The following MYL6 variants were observed in gnomAD, a reference collection of about 807,000 sequenced individuals.
MYL6 encodes the protein myosin light polypeptide 6.
Under a neutral mutation model 20.3 loss-of-function variants are expected in MYL6, and 20 were observed. That is an observed-to-expected ratio of 0.98 (90% CI 0.69 to 1.43). MYL6 has a LOEUF of 1.43. Among genes scored for constraint, MYL6 ranks in the 40% most tolerant of loss-of-function variants. The pLI, the probability that MYL6 is intolerant of heterozygous loss-of-function variation, is 0.00. For missense variants in MYL6, 164 were observed against 191.0 expected (o/e 0.86, Z 0.83); for synonymous variants, 77 against 72.4 (o/e 1.06, Z -0.32).
rs1012385956 is a variant in MYL6, at chr12:56,158,788, T to C, written c.31+77T>C. ...TCCCCCCAGCACCTATCCTCTAATC[T>C]TAATCTGTCATCTCTTTAGCACCCC... On this transcript the variant is annotated intron_variant, in intron 2 of 6. Transcript: ENST00000550697. The C allele has an allele frequency of 9.4e-6, 15 of 1,598,748 alleles. No individual in the cohort carries two copies. The Admixed American group carries it at 1.7e-4, about 18-fold the overall frequency.
At position 56,160,024 on chromosome 12, in the gene MYL6, G is replaced by A. The variant is rs770906464; in HGVS notation, c.225G>A (p.Gln75=). The change falls in exon 4 of 7, where the codon CAG becomes CAA. Residue 75 remains glutamine (Q), a synonymous_variant. Coordinates refer to ENST00000550697, the MANE Select transcript of MYL6 (RefSeq NM_021019.5). Reference sequence around the variant, plus strand: ...TTGAGCACTTTCTGCCCATGCTGCAGACAGTGGCCAAGAACAAGGACCAGG... The same window carrying A: ...TTGAGCACTTTCTGCCCATGCTGCAAACAGTGGCCAAGAACAAGGACCAGG... ...LDFEHFLPML[Q]TVAKNKDQGT... is the part of the protein sequence containing the mutation. The A allele has an allele frequency of 1.1e-5, 18 of 1,614,048 alleles. No individual in the cohort carries two copies. The South Asian group carries it at 1.8e-4, about 16-fold the overall frequency.
At position 56,160,133 on chromosome 12, in the gene MYL6, GTTC is replaced by G; in HGVS notation, c.337_339del (p.Leu113del). ...CGTCATGGGTGCTGAAATCCGGCAT[GTTC>G]TTGTCACACTGGGTAAGGTTCTGTG... On this transcript the variant is annotated inframe_deletion, in exon 4 of 7. Coordinates refer to ENST00000550697, the MANE Select transcript of MYL6 (RefSeq NM_021019.5). The G allele has an allele frequency of 6.2e-7, 1 of 1,614,104 alleles. No individual in the cohort carries two copies.
rs780885611 is a variant in MYL6 at position 56,161,378 on chromosome 12, T to C, written c.*17-9T>C. ...GTTCCCTGGCTCATCCCACCTTTCC[T>C]TTCCACAGAGCTCGTCCGCATGGTG... On this transcript the variant is annotated splice_polypyrimidine_tract_variant and intron_variant, in intron 6 of 6. Transcript: ENST00000550697. The C allele has an allele frequency of 8.7e-6, 14 of 1,614,128 alleles. No individual in the cohort carries two copies. The highest frequency in any genetic ancestry group is 3.3e-4 in the Middle Eastern group (2 of 6,060).
Position 56,161,396 on chromosome 12 carries a change from G to C in MYL6, c.*26G>C. On this transcript the variant is annotated 3_prime_UTR_variant, in exon 7 of 7. Coordinates refer to ENST00000550697, the MANE Select transcript of MYL6 (RefSeq NM_021019.5). ...CCTTTCCTTTCCACAGAGCTCGTCC[G>C]CATGGTGCTGAATGGCTGAGGACCT... The C allele has an allele frequency of 6.2e-7, 1 of 1,614,120 alleles. No homozygotes were observed. The highest frequency in any genetic ancestry group is 8.5e-7 in the Non-Finnish European group (1 of 1,180,010).
intron 3 of MYL6, 46 bp downstream of exon 3, chr12:56,159,776 A>C: frequency 6.3e-7 from 1 of 1,589,704 alleles, no homozygotes; most frequent in Non-Finnish European, 8.6e-7. Flanking sequence ...ATGGGCCCAC[A>C]GTTCTTCAGC....
intron 2 of MYL6, chr12:56,159,373 T>C (rs1592260231): frequency 1.8e-6 from 1 of 565,940 alleles, no homozygotes; most frequent in Non-Finnish European, 3.0e-6. Context: ...TGTAAATGGA[T>C]GTTACCAGGC....
chr12:56,160,680 C>A lies in MYL6; in HGVS notation c.*16+10C>A. The A allele has an allele frequency of 6.2e-7, 1 of 1,613,804 alleles. No individual in the cohort carries two copies. Among genetic ancestry groups the A allele is most frequent in the Non-Finnish European group, 8.5e-7 (1 of 1,179,750 alleles). On this transcript the variant is annotated intron_variant, in intron 6 of 6. Coordinates refer to ENST00000550697, the MANE Select transcript of MYL6 (RefSeq NM_021019.5). ...CGGGCCCATGGGGCGGGTACGGCTC[C>A]TCCCAGCCTCTCCTCTAGTTGATCT...
chr12:56,159,762 G>A, intron 3 of MYL6, 32 bp downstream of exon 3: 3 of 1,601,268 alleles, frequency 1.9e-6, no homozygotes, highest in Non-Finnish European at 2.6e-6. Context: ...TCCTCAGTGT[G>A]GTCATGGGCC....
chr12:56,160,154 G>C lies in MYL6; in HGVS notation c.349+6G>C. 6.2e-7 allele frequency: 1 copy of C among 1,613,894 alleles called. No homozygotes were observed. Among genetic ancestry groups the C allele is most frequent in the Non-Finnish European group, 8.5e-7 (1 of 1,179,866 alleles). ...GCATGTTCTTGTCACACTGGGTAAG[G>C]TTCTGTGTCCTTGTCCTTGAGCTGA... On this transcript the variant is annotated splice_donor_region_variant and intron_variant, in intron 4 of 6. Transcript: ENST00000550697.
chr12:56,158,433 G>A (rs751923798), intron 1 of MYL6, 29 bp downstream of exon 1: 3 of 1,545,418 alleles, frequency 1.9e-6, no homozygotes, highest in Admixed American at 2.0e-5. Flanking sequence ...GAGACGGGCA[G>A]GATTGGGGAC....
chr12:56,159,232 C>T, intron 2 of MYL6: 1 of 300,872 alleles, frequency 3.3e-6, no homozygotes, highest in Non-Finnish European at 6.2e-6. Flanking sequence ...GTTGGGATGA[C>T]CCTAGTCCCA....
chr12:56,160,429 AGGCAAG>A, intron 5 of MYL6, 109 bp downstream of exon 5: 3 of 1,532,326 alleles, frequency 2.0e-6, no homozygotes, highest in Non-Finnish European at 2.7e-6. Context: ...AAGAGCCAGG[AGGCAAG>A]GTGCAGGGCC....
At chr12:56,159,443 G>A (rs1871567246) in intron 2 of MYL6, 144 bp from the exon 3 acceptor site, 8 of 1,078,150 alleles carry the variant, frequency 7.4e-6, no homozygotes, top group Admixed American at 2.5e-5. Flanking sequence ...GAGAAATAGA[G>A]CCCTCTTAAG....
At chr12:56,159,836 T>G (rs1294189178) in intron 3 of MYL6, 106 bp downstream of exon 3, 9 of 1,532,102 alleles carry the variant, frequency 5.9e-6, no homozygotes, top group Non-Finnish European at 6.1e-6. Context: ...CAAGTCTGGA[T>G]TAGCAAATCC....
intron 6 of MYL6, 111 bp from the exon 7 acceptor site, chr12:56,161,276 C>A: frequency 1.5e-6 from 2 of 1,341,508 alleles, no homozygotes; most frequent in Non-Finnish European, 2.1e-6. Context: ...GGGTTGGTTG[C>A]TGTGGGCATG....
At chr12:56,160,720 T>C in intron 6 of MYL6, 50 bp downstream of exon 6, 1 of 1,591,456 alleles carries the variant, frequency 6.3e-7, no homozygotes, top group East Asian at 2.2e-5. Flanking sequence ...AGTGTTTCTT[T>C]TTTCCCCAAC....
intron 2 of MYL6, chr12:56,159,093 G>A (rs1293093755): frequency 4.4e-6 from 2 of 457,222 alleles, no homozygotes; most frequent in Non-Finnish European, 7.2e-6. Context: ...GCTTGCAGTT[G>A]TGAAGATTGT....
intron 3 of MYL6, 38 bp downstream of exon 3, chr12:56,159,768 G>T (rs965670914): frequency 6.3e-6 from 10 of 1,598,680 alleles, no homozygotes; most frequent in African/African-American, 1.3e-5. Context: ...GTGTGGTCAT[G>T]GGCCCACAGT....
In MYL6 at chr12:56,160,321, G is replaced by T; in HGVS notation, c.427+1G>T. 6.2e-7 allele frequency: 1 copy of T among 1,614,150 alleles called. No homozygotes were observed. Among genetic ancestry groups the T allele is most frequent in the South Asian group, 1.1e-5 (1 of 91,088 alleles). On this transcript the variant is annotated splice_donor_variant, in intron 5 of 6. Coordinates refer to ENST00000550697, the MANE Select transcript of MYL6 (RefSeq NM_021019.5). LOFTEE classifies it high-confidence loss of function. ...AGCAATGGTTGTATCAACTATGAAG[G>T]TAAGAGGTGAACTGCGCTTTCTCAG... is the stretch of plus-strand genomic sequence containing the variant.
Sources: allele counts gnomAD v4.1 joint callset, GRCh38; gene constraint gnomAD v4.1.1; transcripts MANE v1.5; gene names NCBI Gene and HGNC (gene_info 2026-07-23, HGNC 2026-07-21).